BCKDHB: variants seen among roughly 807,000 people sequenced by gnomAD.
The protein encoded by BCKDHB is branched chain keto acid dehydrogenase E1 subunit beta.
BCKDHB carries 41 observed loss-of-function variants against 48.5 expected under a neutral mutation model. That is an observed-to-expected ratio of 0.85 (90% CI 0.66 to 1.10). The LOEUF is 1.10. BCKDHB is among the 50% of genes least tolerant of loss of function. The pLI is 0.00. For synonymous variants in BCKDHB, 201 were observed against 174.8 expected, an observed-to-expected ratio of 1.15 and a Z score of -1.18; for missense variants, 496 against 494.2, an observed-to-expected ratio of 1.00 and a Z score of -0.03.
intron 3 of BCKDHB, among the ~76,000 whole-genome samples, chr6:80,156,936 G>A (rs1772071577): frequency 6.6e-6 from 1 of 151,954 alleles, no homozygotes; most frequent in Non-Finnish European, 1.5e-5. Flanking sequence ...ATTTGTTTTG[G>A]CTTTGTCTTT....
At chr6:80,235,419 CT>C (rs1776109504) in intron 8 of BCKDHB, among the ~76,000 whole-genome samples, 1 of 152,132 alleles carries the variant, frequency 6.6e-6, no homozygotes, top group African/African-American at 2.4e-5. Context: ...TTCCATTTTA[CT>C]TTTGAGGAAA....
intron 9 of BCKDHB, among the ~76,000 whole-genome samples, chr6:80,341,779 T>C (rs763425838): frequency 6.6e-6 from 1 of 151,970 alleles, no homozygotes; most frequent in Admixed American, 6.6e-5. Context: ...TTATGAAGAG[T>C]TCAGTATTCA....
At chr6:80,137,774 G>A (rs536884521) in intron 3 of BCKDHB, among the ~76,000 whole-genome samples, 2 of 152,016 alleles carry the variant, frequency 1.3e-5, no homozygotes, top group East Asian at 1.9e-4. Flanking sequence ...ATAACTGTCC[G>A]TACCAAAATG....
At chr6:80,287,468 A>AT (rs10670092) in intron 9 of BCKDHB, among the ~76,000 whole-genome samples, 56,766 of 149,800 alleles carry the variant, frequency 0.38, 12,303 homozygotes, top group Admixed American at 0.56. Flanking sequence ...TGGTTCAGTG[A>AT]TTTTTTTTTT....
At chr6:80,162,508 A>G (rs1772365848) in intron 3 of BCKDHB, among the ~76,000 whole-genome samples, 1 of 152,042 alleles carries the variant, frequency 6.6e-6, no homozygotes, top group Non-Finnish European at 1.5e-5. Context: ...TCTCTTCTCT[A>G]CTGATCATTC....
At chr6:80,355,098 A>G in the BCKDHB span, among the ~76,000 whole-genome samples, 31,165 of 151,998 alleles carry the variant, frequency 0.21, 3,702 homozygotes, top group South Asian at 0.37. Flanking sequence ...GAGCAGTATG[A>G]TTATGTTAAT....
chr6:80,276,875 A>G (rs546197803), intron 9 of BCKDHB, among the ~76,000 whole-genome samples: 49 of 152,130 alleles, frequency 3.2e-4, no homozygotes, highest in Non-Finnish European at 5.7e-4. Context: ...TTACAAAAAT[A>G]AAAAACAGTG....
At chr6:80,339,390 A>G (rs1187421810) in intron 9 of BCKDHB, among the ~76,000 whole-genome samples, 2 of 152,208 alleles carry the variant, frequency 1.3e-5, no homozygotes, top group African/African-American at 4.8e-5. Context: ...TTTTAACAAG[A>G]TACTTCATTT....
chr6:80,322,896 C>CTTTTTTTTTTTTTTTTTTT (rs34177726), intron 9 of BCKDHB, among the ~76,000 whole-genome samples: 8 of 115,554 alleles, frequency 6.9e-5, no homozygotes, highest in East Asian at 2.5e-4. Flanking sequence ...TTTCTTTTTT[C>CTTTTTTTTTTTTTTTTTTT]TTTTTTTTTT....
At chr6:80,238,497 G>T (rs553173531) in intron 8 of BCKDHB, among the ~76,000 whole-genome samples, 1 of 152,298 alleles carries the variant, frequency 6.6e-6, no homozygotes, top group East Asian at 1.9e-4. Context: ...CGTGAATCTG[G>T]CAGCCTCGGA....
the BCKDHB span, among the ~76,000 whole-genome samples, chr6:80,456,079 G>A: frequency 3.3e-5 from 5 of 152,070 alleles, no homozygotes; most frequent in African/African-American, 1.2e-4. Flanking sequence ...GTCTGGGGTG[G>A]TGATGGGCGC....
intron 6 of BCKDHB, among the ~76,000 whole-genome samples, chr6:80,198,179 C>T (rs143971606): frequency 5.3e-5 from 8 of 152,168 alleles, no homozygotes; most frequent in East Asian, 1.9e-4. Context: ...TAGAAACAGC[C>T]GTAGACACTG....
chr6:80,283,875 A>G (rs890370113), intron 9 of BCKDHB, among the ~76,000 whole-genome samples: 3 of 152,144 alleles, frequency 2.0e-5, no homozygotes, highest in Non-Finnish European at 4.4e-5. Flanking sequence ...ACAGCAGATA[A>G]TGTATCCATA....
intron 9 of BCKDHB, among the ~76,000 whole-genome samples, chr6:80,298,347 G>T (rs1271776224): frequency 1.3e-5 from 2 of 152,148 alleles, no homozygotes; most frequent in Non-Finnish European, 2.9e-5. Context: ...GGCCTCAAGT[G>T]ATCCACTTGC....
rs562695550 is a variant in BCKDHB, at chr6:80,199,631, G to A, written c.743-1303G>A. On this transcript the variant is annotated intron_variant, in intron 6 of 9. Transcript: ENST00000320393. ...GTTTCTATTAAAATTACAAAAATTA[G>A]CAGAGCGTGGTGGTGCGTGCCTGTA... Among the ~76,000 whole-genome samples the A allele has an allele frequency of 2.0e-5, 3 of 151,822 alleles. No homozygotes were observed. In the East Asian group the frequency reaches 5.8e-4, roughly 29 times the overall value.
At chr6:80,322,241 T>TTC (rs1768770667) in intron 9 of BCKDHB, among the ~76,000 whole-genome samples, 1 of 105,716 alleles carries the variant, frequency 9.5e-6, no homozygotes, top group South Asian at 2.5e-4. Context: ...TTCTTTTCTT[T>TTC]TTTTTTTTTT....
chr6:80,221,767 T>C (rs1223877292), intron 8 of BCKDHB, among the ~76,000 whole-genome samples: 2 of 152,180 alleles, frequency 1.3e-5, no homozygotes, highest in African/African-American at 4.8e-5. Flanking sequence ...ATTGTATAGA[T>C]TTCTGGCTTA....
chr6:80,271,038 C>T (rs1436272578), intron 8 of BCKDHB, among the ~76,000 whole-genome samples: 1 of 152,054 alleles, frequency 6.6e-6, no homozygotes, highest in Non-Finnish European at 1.5e-5. Context: ...AAGTCTCTTT[C>T]CTACACTTCC....
chr6:80,185,427 G>A (rs1333241339), intron 6 of BCKDHB, among the ~76,000 whole-genome samples: 1 of 152,010 alleles, frequency 6.6e-6, no homozygotes, highest in African/African-American at 2.4e-5. Flanking sequence ...CTGGCAATCA[G>A]GGATTTTTTT....
Sources: gnomAD v4.1 joint callset for allele counts (sites outside exome capture counted in the v4.1 genomes callset) on GRCh38, gnomAD v4.1.1 for gene constraint, MANE v1.5 for transcripts, NCBI Gene and HGNC (gene_info 2026-07-23, HGNC 2026-07-21) for gene names.